Variants in GRB14 observed in about 807,000 individuals in gnomAD.
GRB14 encodes growth factor receptor-bound protein 14.
In GRB14, 38 loss-of-function variants were observed where a neutral mutation model predicts 69.1. The observed-to-expected ratio is 0.55, with a 90% CI of 0.42 to 0.72. The LOEUF (loss-of-function observed/expected upper bound fraction) is 0.72. Ranked by LOEUF, GRB14 falls within the 30% of genes least tolerant of loss-of-function variation. The pLI is 0.00. For synonymous variants in GRB14, 247 were observed against 241.3 expected (o/e 1.02, Z -0.22); for missense variants, 666 against 666.1 (o/e 1.00, Z 0.00).
chr2:164,521,844 C>T, intron 6 of GRB14, 136 bp downstream of exon 6: 2 of 738,134 alleles, frequency 2.7e-6, no homozygotes, highest in South Asian at 3.6e-5. Context: ...ATAATCAAGG[C>T]AAACGTTTTA....
At chr2:164,601,982 C>T (rs900898255) in intron 2 of GRB14, among the ~76,000 whole-genome samples, 18 of 152,120 alleles carry the variant, frequency 1.2e-4, no homozygotes, top group African/African-American at 3.9e-4. Context: ...CGGTTCTGCT[C>T]CCTTCAGGCA....
At chr2:164,504,171 T>C (rs776033154) in intron 8 of GRB14, among the ~76,000 whole-genome samples, 1 of 151,928 alleles carries the variant, frequency 6.6e-6, no homozygotes, top group Non-Finnish European at 1.5e-5. Context: ...ATATGAAGAC[T>C]TTACATATAT....
At chr2:164,558,742 T>C (rs116139810) in intron 2 of GRB14, among the ~76,000 whole-genome samples, 15 of 152,268 alleles carry the variant, frequency 9.9e-5, no homozygotes, top group Non-Finnish European at 1.9e-4. Context: ...AGAACAGCCA[T>C]AAGACATGTC....
chr2:164,537,358 G>A (rs1443764737), intron 3 of GRB14, among the ~76,000 whole-genome samples: 1 of 152,192 alleles, frequency 6.6e-6, no homozygotes, highest in East Asian at 1.9e-4. Flanking sequence ...AGATGGACAG[G>A]AAGGGGTTTC....
At chr2:164,533,296 A>T (rs1175832276) in intron 3 of GRB14, among the ~76,000 whole-genome samples, 1 of 134,296 alleles carries the variant, frequency 7.4e-6, no homozygotes, top group African/African-American at 2.9e-5. Flanking sequence ...GCAGTGGCGC[A>T]ATCTCGGCTC....
intron 2 of GRB14, among the ~76,000 whole-genome samples, chr2:164,612,280 C>G (rs1358939001): frequency 6.6e-6 from 1 of 152,102 alleles, no homozygotes; most frequent in Non-Finnish European, 1.5e-5. Flanking sequence ...AATAAATGGC[C>G]AATTTATTAA....
intron 6 of GRB14, among the ~76,000 whole-genome samples, chr2:164,519,867 C>T (rs1182404249): frequency 6.6e-6 from 1 of 151,956 alleles, no homozygotes; most frequent in South Asian, 2.1e-4. Context: ...ACATAGATGA[C>T]ACAAACAAAT....
At chr2:164,553,225 G>A (rs1250553915) in intron 2 of GRB14, among the ~76,000 whole-genome samples, 2 of 152,140 alleles carry the variant, frequency 1.3e-5, no homozygotes, top group East Asian at 1.9e-4. Context: ...CTAGAAAAGA[G>A]CAAGAGGTAA....
At chr2:164,587,185 A>G (rs935235829) in intron 2 of GRB14, among the ~76,000 whole-genome samples, 1 of 152,244 alleles carries the variant, frequency 6.6e-6, no homozygotes. Flanking sequence ...ATAACAAGAA[A>G]TCAGACTGGC....
At chr2:164,611,905 C>T (rs1304924016) in intron 2 of GRB14, among the ~76,000 whole-genome samples, 3 of 152,042 alleles carry the variant, frequency 2.0e-5, no homozygotes, top group East Asian at 3.9e-4. Context: ...ACAAAAGAAA[C>T]CCTGCTTTCC....
At chr2:164,620,548 T>G (rs1358320958) in intron 1 of GRB14, among the ~76,000 whole-genome samples, 1 of 152,138 alleles carries the variant, frequency 6.6e-6, no homozygotes, top group South Asian at 2.1e-4. Context: ...AATGTATGAA[T>G]ATAAAGGACT....
At chr2:164,586,680 C>G (rs1689547648) in intron 2 of GRB14, among the ~76,000 whole-genome samples, 2 of 152,160 alleles carry the variant, frequency 1.3e-5, no homozygotes, top group African/African-American at 4.8e-5. Context: ...CAATAACCTT[C>G]ATGCTAAAAA....
intron 2 of GRB14, among the ~76,000 whole-genome samples, chr2:164,568,116 G>A (rs1429301515): frequency 6.6e-6 from 1 of 152,104 alleles, no homozygotes; most frequent in Non-Finnish European, 1.5e-5. Flanking sequence ...TTTAACTATA[G>A]CGATGTCCTA....
chr2:164,531,249 GT>G (rs1687927942), intron 3 of GRB14, among the ~76,000 whole-genome samples: 1 of 152,160 alleles, frequency 6.6e-6, no homozygotes, highest in South Asian at 2.1e-4. Context: ...CCTTACTTCT[GT>G]TTACTTTTCA....
chr2:164,520,117 T>C (rs921570453), intron 6 of GRB14, among the ~76,000 whole-genome samples: 1 of 152,020 alleles, frequency 6.6e-6, no homozygotes, highest in African/African-American at 2.4e-5. Flanking sequence ...CAAACTATAC[T>C]ACAAGGCCAT....
At chr2:164,526,750 T>G (rs1184862295) in intron 4 of GRB14, among the ~76,000 whole-genome samples, 1 of 152,002 alleles carries the variant, frequency 6.6e-6, no homozygotes, top group African/African-American at 2.4e-5. Flanking sequence ...CTAATACTTT[T>G]AAATTAAATA....
chr2:164,535,811 G>T (rs1688064780), intron 3 of GRB14, among the ~76,000 whole-genome samples: 1 of 152,148 alleles, frequency 6.6e-6, no homozygotes, highest in African/African-American at 2.4e-5. Flanking sequence ...CTCCCCAAGT[G>T]CAATAATAGG....
chr2:164,541,732 CAT>C (rs755973330), intron 3 of GRB14, among the ~76,000 whole-genome samples: 5 of 151,440 alleles, frequency 3.3e-5, no homozygotes, highest in East Asian at 1.9e-4. Context: ...AACACACACA[CAT>C]ATATATATAT....
At chr2:164,505,726 CAAACA>C (rs1687172510) in intron 8 of GRB14, among the ~76,000 whole-genome samples, 1 of 151,886 alleles carries the variant, frequency 6.6e-6, no homozygotes, top group African/African-American at 2.4e-5. Flanking sequence ...TGAGTGTATA[CAAACA>C]AAAGTGATTA....
Sources: gnomAD v4.1 joint callset for allele counts (sites outside exome capture counted in the v4.1 genomes callset) on GRCh38, gnomAD v4.1.1 for gene constraint, MANE v1.5 for transcripts, NCBI Gene and HGNC (gene_info 2026-07-23, HGNC 2026-07-21) for gene names.